The following API5 variants were observed in gnomAD, a reference collection of about 807,000 sequenced individuals.
The protein encoded by API5 is FIF.
Under a neutral mutation model 71.9 loss-of-function variants are expected in API5, and 6 were observed. The observed-to-expected ratio is 0.08, with a 90% CI of 0.05 to 0.16. The LOEUF (loss-of-function observed/expected upper bound fraction) is 0.16. API5 is among the 10% of genes least tolerant of loss of function. The pLI is 1.00. For missense variants in API5, 332 were observed against 612.8 expected (o/e 0.54, Z 4.84); for synonymous variants, 189 against 221.3 (o/e 0.85, Z 1.30).
At chr11:43,324,131 T>A (rs1854989507) in intron 6 of API5, among the ~76,000 whole-genome samples, 1 of 152,106 alleles carries the variant, frequency 6.6e-6, no homozygotes, top group South Asian at 2.1e-4. Flanking sequence ...CTTCCTTCCA[T>A]CTCAGCCTCC....
intron 1 of API5, among the ~76,000 whole-genome samples, chr11:43,317,970 C>G (rs1854730188): frequency 6.6e-6 from 1 of 150,450 alleles, no homozygotes; most frequent in African/African-American, 2.4e-5. Flanking sequence ...GCCACCACAC[C>G]TGGCCATCAT....
At chr11:43,319,795 G>A (rs1038568773) in intron 2 of API5, among the ~76,000 whole-genome samples, 2 of 152,148 alleles carry the variant, frequency 1.3e-5, no homozygotes, top group African/African-American at 4.8e-5. Context: ...CACAAATGTT[G>A]TATTTAGTAG....
chr11:43,324,400 T>G (rs1467271617), intron 6 of API5, among the ~76,000 whole-genome samples: 1 of 152,154 alleles, frequency 6.6e-6, no homozygotes, highest in Non-Finnish European at 1.5e-5. Flanking sequence ...TTGTGTTTCC[T>G]GAGGCCATGC....
intron 1 of API5, among the ~76,000 whole-genome samples, chr11:43,317,419 G>C (rs1000679587): frequency 6.6e-6 from 1 of 151,730 alleles, no homozygotes; most frequent in Non-Finnish European, 1.5e-5. Context: ...TGAGTGTATT[G>C]TTCCAATAAA....
chr11:43,326,831 G>A (rs772625316), intron 7 of API5, among the ~76,000 whole-genome samples: 21 of 152,178 alleles, frequency 1.4e-4, no homozygotes, highest in Non-Finnish European at 2.8e-4. Flanking sequence ...TTTTATTATA[G>A]TCAGTCTCTA....
rs777997540 is a variant in API5, at chr11:43,312,107, G to T, written c.-21G>T. On this transcript the variant is annotated 5_prime_UTR_variant, in exon 1 of 14. Coordinates refer to ENST00000531273, the MANE Select transcript of API5 (RefSeq NM_001142930.2). Reference sequence around the variant, plus strand: ...GTCAGGACAAGGATAGCGGAACCGGGCCCTGGGCTTGTCGCTCACCATGCC... The same window carrying T: ...GTCAGGACAAGGATAGCGGAACCGGTCCCTGGGCTTGTCGCTCACCATGCC... The T allele has an allele frequency of 6.2e-7, 1 of 1,613,194 alleles. No individual in the cohort carries two copies. The highest frequency in any genetic ancestry group is 1.7e-5 in the Admixed American group (1 of 60,024).
chr11:43,319,788 A>G (rs908208348), intron 2 of API5, among the ~76,000 whole-genome samples: 6 of 152,206 alleles, frequency 3.9e-5, no homozygotes, highest in Admixed American at 6.5e-5. Context: ...ATATAGCCAC[A>G]AATGTTGTAT....
intron 1 of API5, among the ~76,000 whole-genome samples, chr11:43,317,418 T>C (rs11037414): frequency 0.22 from 33,292 of 151,940 alleles, 4,190 homozygotes; most frequent in South Asian, 0.32. Context: ...TTGAGTGTAT[T>C]GTTCCAATAA....
chr11:43,335,122 A>AACAAT (rs1423399461), intron 11 of API5, 156 bp from the exon 12 acceptor site: 4 of 635,056 alleles, frequency 6.3e-6, no homozygotes, highest in African/African-American at 3.7e-5. Context: ...AATACATGTG[A>AACAAT]TTTGTAAACA....
chr11:43,338,061 T>C (rs1855493320), intron 13 of API5, among the ~76,000 whole-genome samples: 2 of 152,138 alleles, frequency 1.3e-5, no homozygotes, highest in Non-Finnish European at 2.9e-5. Flanking sequence ...TTCCCAGTCT[T>C]CAAAATAACA....
chr11:43,328,692 T>A lies in API5; in HGVS notation c.946-20T>A. ...AATATGTAGAACAGATTGCAAAATC[T>A]GTATATTTTTCTCTCTTAGGAATAC... On this transcript the variant is annotated intron_variant, in intron 8 of 13. Transcript: ENST00000531273. 1 of 1,605,212 alleles carries A rather than the reference T, an allele frequency of 6.2e-7. No individual in the cohort carries two copies. The highest frequency in any genetic ancestry group is 8.5e-7 in the Non-Finnish European group (1 of 1,173,390).
At chr11:43,321,043 C>G in intron 3 of API5, 129 bp downstream of exon 3, 1 of 719,672 alleles carries the variant, frequency 1.4e-6, no homozygotes, top group Non-Finnish European at 2.3e-6. Context: ...ATTAAATTTC[C>G]TACTTTCATT....
chr11:43,331,521 A>T (rs923973671), intron 11 of API5, among the ~76,000 whole-genome samples: 2 of 152,218 alleles, frequency 1.3e-5, no homozygotes, highest in Admixed American at 6.5e-5. Flanking sequence ...TATTAAGTGG[A>T]AGTGGATTAT....
In API5 at chr11:43,344,419, T is replaced by C. The variant is rs533049068; in HGVS notation, c.*1909T>C. 7 of 152,768 alleles carry C rather than the reference T, an allele frequency of 4.6e-5. No homozygotes were observed. Among genetic ancestry groups the C allele is most frequent in the African/African-American group, 1.4e-4 (6 of 41,582 alleles). 9.5% of individuals were successfully genotyped at this position (152,768 alleles called of 1,614,324 possible). ...GGTTATTTTTGCTTCCGAATTTGAA[T>C]GAAAAACTTAATGCCATGGATTTTT... On this transcript the variant is annotated 3_prime_UTR_variant, in exon 14 of 14. Transcript: ENST00000531273.
chr11:43,339,412 G>C (rs1388381766), intron 13 of API5: 1 of 152,202 alleles, frequency 6.6e-6, no homozygotes. Flanking sequence ...TAATGAGGAA[G>C]TTTAGAAGTT....
intron 7 of API5, among the ~76,000 whole-genome samples, chr11:43,327,306 A>C (rs913132735): frequency 6.6e-6 from 1 of 152,260 alleles, no homozygotes; most frequent in African/African-American, 2.4e-5. Flanking sequence ...AATAGTGGTC[A>C]TTACCAATAT....
At chr11:43,312,501 A>G (rs556588078) in intron 1 of API5, among the ~76,000 whole-genome samples, 3 of 152,128 alleles carry the variant, frequency 2.0e-5, no homozygotes, top group African/African-American at 7.2e-5. Flanking sequence ...GCTTTTCTCT[A>G]CAGGATTCTC....
intron 13 of API5, among the ~76,000 whole-genome samples, chr11:43,341,467 TA>T (rs2134390859): frequency 6.6e-6 from 1 of 152,318 alleles, no homozygotes; most frequent in Non-Finnish European, 1.5e-5. Context: ...GACTTTATAG[TA>T]GGTGAAATAA....
chr11:43,322,892 T>G (rs17508418), intron 5 of API5, among the ~76,000 whole-genome samples: 26,017 of 152,132 alleles, frequency 0.17, 2,928 homozygotes, highest in Non-Finnish European at 0.24. Context: ...GATTGTGAGC[T>G]TTTTTGGTCC....
Sources: allele counts gnomAD v4.1 joint callset (sites outside exome capture counted in the v4.1 genomes callset), GRCh38; gene constraint gnomAD v4.1.1; transcripts MANE v1.5; gene names NCBI Gene and HGNC (gene_info 2026-07-23, HGNC 2026-07-21).